The following CRTC1 variants were observed in gnomAD, a reference collection of about 807,000 sequenced individuals.
The protein encoded by CRTC1 is CREB regulated transcription coactivator 1.
A neutral mutation model predicts 66.1 loss-of-function variants in CRTC1; 18 were observed. The ratio of observed to expected loss-of-function variants is 0.27; its 90% confidence interval spans 0.19 to 0.40. CRTC1 has a LOEUF of 0.40. Ranked by LOEUF, CRTC1 falls within the 10% of genes least tolerant of loss-of-function variation. CRTC1 has a pLI of 1.00. For missense variants in CRTC1, 669 were observed against 887.9 expected, an observed-to-expected ratio of 0.75 and a Z score of 3.13; for synonymous variants, 416 against 398.8, an observed-to-expected ratio of 1.04 and a Z score of -0.51.
At chr19:18,744,396 C>A (rs779673983) in intron 2 of CRTC1, among the ~76,000 whole-genome samples, 2 of 152,204 alleles carry the variant, frequency 1.3e-5, no homozygotes, top group Non-Finnish European at 2.9e-5. Context: ...GGGGCAGATG[C>A]CATAGCCGCG....
intron 1 of CRTC1, among the ~76,000 whole-genome samples, chr19:18,737,912 G>GT (rs1313886939): frequency 6.6e-6 from 1 of 151,930 alleles, no homozygotes; most frequent in Non-Finnish European, 1.5e-5. Flanking sequence ...TAGCTTTATT[G>GT]TAAGAATACA....
At chr19:18,730,170 C>T (rs1169768801) in intron 1 of CRTC1, among the ~76,000 whole-genome samples, 2 of 152,098 alleles carry the variant, frequency 1.3e-5, no homozygotes, top group East Asian at 1.9e-4. Flanking sequence ...CTGCTGGTGG[C>T]GTTGGTGGGG....
At chr19:18,756,163 G>A (rs1199517482) in intron 6 of CRTC1, among the ~76,000 whole-genome samples, 3 of 151,880 alleles carry the variant, frequency 2.0e-5, no homozygotes, top group Non-Finnish European at 2.9e-5. Flanking sequence ...GTAAAATCCC[G>A]TTTCTACTAA....
chr19:18,730,934 TC>T (rs2053873359), intron 1 of CRTC1, among the ~76,000 whole-genome samples: 2 of 151,452 alleles, frequency 1.3e-5, no homozygotes, highest in Admixed American at 1.3e-4. Context: ...CCTCCACAGT[TC>T]CGGGGCTGAG....
chr19:18,755,663 C>T (rs1422787206), intron 6 of CRTC1, among the ~76,000 whole-genome samples: 2 of 141,708 alleles, frequency 1.4e-5, no homozygotes, highest in South Asian at 2.3e-4. Context: ...AGTGCAGTGG[C>T]GCAATCTGGG....
intron 1 of CRTC1, among the ~76,000 whole-genome samples, chr19:18,740,785 CTTGAGGTCAGGAGT>C (rs762657494): frequency 2.8e-4 from 43 of 152,060 alleles, no homozygotes; most frequent in Non-Finnish European, 5.4e-4. Flanking sequence ...GGGTGGATCA[CTTGAGGTCAGGAGT>C]TTGAGACCAG....
chr19:18,722,085 A>G (rs764813076), intron 1 of CRTC1, among the ~76,000 whole-genome samples: 2 of 152,206 alleles, frequency 1.3e-5, no homozygotes, highest in African/African-American at 4.8e-5. Context: ...TTTTGGGGAT[A>G]TGCACCAGAG....
rs553657574 is a variant in CRTC1, at chr19:18,768,550, C to T, written c.1077C>T (p.Gly359=). The change falls in exon 10 of 14, where the codon GGC becomes GGT. Residue 359 remains glycine, a synonymous_variant. Coordinates refer to ENST00000321949, the MANE Select transcript of CRTC1 (RefSeq NM_015321.3). This position sits in a 1 kb window ranked among gnomAD's most constrained non-coding sequence, Gnocchi z 5.6. The stretch of plus-strand genomic sequence containing the variant: ...CCTACGCCTTCTTCACCCAGGCGGG[C>T]TCCCAGCAGCCACCGCCGCAGCCCC... ...QLPYAFFTQA[G]SQQPPPQPQP... The T allele has an allele frequency of 1.1e-5, 17 of 1,605,554 alleles. No individual in the cohort carries two copies. In the East Asian group the frequency reaches 2.5e-4, roughly 23 times the overall value.
chr19:18,697,139 G>T (rs1026818326), intron 1 of CRTC1, among the ~76,000 whole-genome samples: 2 of 152,074 alleles, frequency 1.3e-5, no homozygotes, highest in African/African-American at 2.4e-5. Flanking sequence ...CGCGTGCCTC[G>T]AGGGCCAGGG....
chr19:18,780,863 C>G lies in CRTC1; in HGVS notation c.*3481C>G, dbSNP rs2055088962. The G allele has an allele frequency of 4.5e-6, 1 of 222,720 alleles. No homozygotes were observed. The highest frequency in any genetic ancestry group is 2.2e-5 in the African/African-American group (1 of 44,680). 13.8% of individuals were successfully genotyped at this position (222,720 alleles called of 1,614,324 possible). A position where few individuals can be genotyped will look rare whatever the true frequency, so the allele number is the denominator to read the frequency against. On this transcript the variant is annotated 3_prime_UTR_variant, in exon 14 of 14. Coordinates refer to ENST00000321949, the MANE Select transcript of CRTC1 (RefSeq NM_015321.3). ...CTGAACAGCCTTGGCAGGACCCGTC[C>G]CTAGAGGGGGCTCTGGTGCCTCCCT...
At chr19:18,694,141 A>G (rs2052925533) in intron 1 of CRTC1, among the ~76,000 whole-genome samples, 1 of 150,744 alleles carries the variant, frequency 6.6e-6, no homozygotes, top group Non-Finnish European at 1.5e-5. Flanking sequence ...CTCAGAAAAA[A>G]AAAAAAAAAA....
At chr19:18,776,613 C>G (rs915792358) in intron 13 of CRTC1, among the ~76,000 whole-genome samples, 2 of 152,256 alleles carry the variant, frequency 1.3e-5, no homozygotes, top group Non-Finnish European at 2.9e-5. Context: ...GCCTCAGACT[C>G]AGGAGAAGAA....
chr19:18,777,255 G>T lies in CRTC1; in HGVS notation c.1778G>T (p.Ser593Ile). The T allele has an allele frequency of 6.2e-7, 1 of 1,612,088 alleles. No individual in the cohort carries two copies. Reference sequence around the variant, plus strand: ...GGCGACGTCAGCTTCGACTCCGACAGCCAGTTTCCCCTGGACGAACTCAAG... The same window carrying T: ...GGCGACGTCAGCTTCGACTCCGACATCCAGTTTCCCCTGGACGAACTCAAG... ...GVGDVSFDSD[S>I]QFPLDELKID... Residue 593 changes from serine (S) to isoleucine (I), a missense_variant, in exon 14 of 14, where the codon AGC becomes ATC. Ser to Ile is a moderately radical substitution (Grantham distance 142, BLOSUM62 -2). This residue lies in a region of CRTC1 where 91 missense variants were observed against 99.1 expected (regional missense o/e 0.92). Transcript: ENST00000321949. This position sits in a 1 kb window ranked among gnomAD's most constrained non-coding sequence, Gnocchi z 5.5.
chr19:18,743,977 C>A, intron 2 of CRTC1: 1 of 863,814 alleles, frequency 1.2e-6, no homozygotes, highest in Non-Finnish European at 1.8e-6. Flanking sequence ...CTGAGTGGGG[C>A]TGAGGGGCAC....
chr19:18,724,037 A>G (rs545216509), intron 1 of CRTC1, among the ~76,000 whole-genome samples: 15 of 152,298 alleles, frequency 9.8e-5, no homozygotes, highest in African/African-American at 3.4e-4. Flanking sequence ...ACCTCCCTGC[A>G]CAGAACAGAG....
At chr19:18,686,091 C>T (rs992353581) in intron 1 of CRTC1, among the ~76,000 whole-genome samples, 1 of 151,976 alleles carries the variant, frequency 6.6e-6, no homozygotes, top group Non-Finnish European at 1.5e-5. Flanking sequence ...TTAACAGTCA[C>T]TCCCCATTCC....
At chr19:18,704,352 G>A (rs1268123025) in intron 1 of CRTC1, among the ~76,000 whole-genome samples, 1 of 152,120 alleles carries the variant, frequency 6.6e-6, no homozygotes, top group Non-Finnish European at 1.5e-5. Context: ...GTCTCCCAAA[G>A]TGCTAGGATT....
Position 18,777,420 on chromosome 19 carries a change from C to A in CRTC1, c.*38C>A. 1 of 1,570,578 alleles carries A rather than the reference C, an allele frequency of 6.4e-7. No homozygotes were observed. The highest frequency in any genetic ancestry group is 1.1e-5 in the South Asian group (1 of 90,458). Reference sequence around the variant, plus strand: ...GCACCCTGCCGCTCAGCCGTCCCGACGGCGCCTCCCCAGCCCGGGGACGGC... The same window carrying A: ...GCACCCTGCCGCTCAGCCGTCCCGAAGGCGCCTCCCCAGCCCGGGGACGGC... On this transcript the variant is annotated 3_prime_UTR_variant, in exon 14 of 14. Transcript: ENST00000321949. This position sits in a 1 kb window ranked among gnomAD's most constrained non-coding sequence, Gnocchi z 5.5.
At position 18,706,446 on chromosome 19, in the gene CRTC1, T is replaced by TC. The variant is rs923731105; in HGVS notation, c.126+22625dup. On this transcript the variant is annotated intron_variant, in intron 1 of 13. Transcript: ENST00000321949. ...GTCTTGAACTCTTGACCTCAGATGA[T>TC]CCCCCCCGCCTTGGCCTCCCGAAGT... Among the ~76,000 whole-genome samples the TC allele has an allele frequency of 1.8e-4, 27 of 151,550 alleles. No individual in the cohort carries two copies. The South Asian group carries it at 2.5e-3, about 14-fold the overall frequency.
Sources: gnomAD v4.1 joint callset for allele counts (sites outside exome capture counted in the v4.1 genomes callset) on GRCh38, gnomAD v4.1.1 for gene constraint, gnomAD v4.1.1 regional missense constraint, Gnocchi (gnomAD v3.1) non-coding constraint, MANE v1.5 for transcripts, NCBI Gene and HGNC (gene_info 2026-07-23, HGNC 2026-07-21) for gene names.